The following RPRD1B variants were observed in gnomAD, a reference collection of about 807,000 sequenced individuals.
RPRD1B encodes the protein regulation of nuclear pre-mRNA domain-containing protein 1B.
Under a neutral mutation model 41.5 loss-of-function variants are expected in RPRD1B, and 11 were observed. The ratio of observed to expected loss-of-function variants is 0.27; its 90% CI spans 0.17 to 0.44. RPRD1B has a LOEUF of 0.44. RPRD1B is among the 20% of genes least tolerant of loss of function. The pLI, the probability that RPRD1B is intolerant of heterozygous loss-of-function variation, is 1.00. For missense variants in RPRD1B, 248 were observed against 389.9 expected, an observed-to-expected ratio of 0.64 and a Z score of 3.06; for synonymous variants, 158 against 155.6, an observed-to-expected ratio of 1.02 and a Z score of -0.12.
chr20:38,053,387 C>G (rs2074208195), intron 3 of RPRD1B, among the ~76,000 whole-genome samples: 1 of 152,186 alleles, frequency 6.6e-6, no homozygotes, highest in East Asian at 1.9e-4. Context: ...TAGCATTTTC[C>G]AAGCTCTGTG....
chr20:38,077,797 A>G (rs1000458519), intron 6 of RPRD1B, among the ~76,000 whole-genome samples: 2 of 152,110 alleles, frequency 1.3e-5, no homozygotes, highest in African/African-American at 4.8e-5. Flanking sequence ...TGGCAGCCCT[A>G]TGATGTGTTC....
At position 38,090,198 on chromosome 20, in the gene RPRD1B, C is replaced by G. The variant is rs1298115738; in HGVS notation, c.*323C>G. The G allele has an allele frequency of 9.8e-7, 1 of 1,022,936 alleles. No individual in the cohort carries two copies. 63.4% of individuals were successfully genotyped at this position (1,022,936 alleles called of 1,614,324 possible). ...TAAGAAGTTATGAAAATCATGTGTA[C>G]TTCTGGAAGCTTTCGAAAGAATCTT... On this transcript the variant is annotated 3_prime_UTR_variant, in exon 7 of 7. Transcript: ENST00000373433.
chr20:38,055,460 T>G (rs547901153), intron 3 of RPRD1B, among the ~76,000 whole-genome samples: 54 of 152,274 alleles, frequency 3.5e-4, no homozygotes, highest in Non-Finnish European at 7.1e-4. Flanking sequence ...GTTTTTTTTT[T>G]TTGTTAGCGT....
chr20:38,063,981 AAAAT>A (rs1962322378), intron 5 of RPRD1B, among the ~76,000 whole-genome samples: 1 of 152,242 alleles, frequency 6.6e-6, no homozygotes, highest in South Asian at 2.1e-4. Context: ...TTTAATCTTA[AAAAT>A]TAGTATTTGC....
intron 6 of RPRD1B, among the ~76,000 whole-genome samples, chr20:38,076,145 G>T (rs1174201831): frequency 6.6e-6 from 1 of 152,172 alleles, no homozygotes; most frequent in African/African-American, 2.4e-5. Context: ...GTTCTGTGGG[G>T]CATAGACTCA....
intron 6 of RPRD1B, among the ~76,000 whole-genome samples, chr20:38,075,603 A>G (rs572633374): frequency 6.6e-6 from 1 of 152,350 alleles, no homozygotes; most frequent in African/African-American, 2.4e-5. Context: ...TCCCACTTAA[A>G]ATTGGGATTC....
At chr20:38,089,684 A>T (rs760006953) in intron 6 of RPRD1B, 42 bp from the exon 7 acceptor site, 8 of 1,557,246 alleles carry the variant, frequency 5.1e-6, no homozygotes, top group South Asian at 4.5e-5. Context: ...TGCCCTCGGC[A>T]CGCACAGACT....
intron 6 of RPRD1B, among the ~76,000 whole-genome samples, chr20:38,082,247 A>G (rs151229599): frequency 2.0e-5 from 3 of 152,286 alleles, no homozygotes; most frequent in Non-Finnish European, 4.4e-5. Context: ...ACTCGTTAAT[A>G]GGTCTGTCCA....
In RPRD1B at chr20:38,091,438, A is replaced by G. The variant is rs571243404; in HGVS notation, c.*1563A>G. The G allele has an allele frequency of 2.0e-6, 2 of 985,448 alleles. No individual in the cohort carries two copies. The highest frequency in any genetic ancestry group is 3.5e-5 in the African/African-American group (2 of 57,362). 61.0% of individuals were successfully genotyped at this position (985,448 alleles called of 1,614,324 possible). A position where few individuals can be genotyped will look rare whatever the true frequency, so the allele number is the denominator to read the frequency against. ...GCAGATACTCAGTTTAACTCTGTGTAGAACCTAGTAGTGTTTGAGCTGTTA... is the reference window on the plus strand; with the variant it reads ...GCAGATACTCAGTTTAACTCTGTGTGGAACCTAGTAGTGTTTGAGCTGTTA... On this transcript the variant is annotated 3_prime_UTR_variant, in exon 7 of 7. Coordinates refer to ENST00000373433, the MANE Select transcript of RPRD1B (RefSeq NM_021215.4).
intron 6 of RPRD1B, among the ~76,000 whole-genome samples, chr20:38,074,564 C>G (rs1352957863): frequency 6.6e-6 from 1 of 152,212 alleles, no homozygotes; most frequent in African/African-American, 2.4e-5. Context: ...TGTAGCCCAA[C>G]TTCTGTGGGC....
chr20:38,054,712 G>A (rs1332338166), intron 3 of RPRD1B, among the ~76,000 whole-genome samples: 2 of 152,170 alleles, frequency 1.3e-5, no homozygotes, highest in Non-Finnish European at 2.9e-5. Flanking sequence ...GTTTGAAAAC[G>A]GAAGGATTTC....
chr20:38,057,794 G>A (rs1186997162), intron 4 of RPRD1B, 150 bp downstream of exon 4: 1 of 565,412 alleles, frequency 1.8e-6, no homozygotes, highest in Non-Finnish European at 3.2e-6. Context: ...GCCCAAAGGA[G>A]CTTGCCGGAT....
rs1351432268 is a variant in RPRD1B at position 38,033,917 on chromosome 20, C to T, written c.-31C>T. ...TTCCCGCCGCACTGGGCGGCCCAGG[C>T]CGCTCCCTGCCGGGCCTCACTGCCG... On this transcript the variant is annotated 5_prime_UTR_variant, in exon 1 of 7. Transcript: ENST00000373433. 4 of 1,586,516 alleles carry T rather than the reference C, an allele frequency of 2.5e-6. No individual in the cohort carries two copies. The South Asian group carries it at 4.6e-5, about 18-fold the overall frequency.
rs2074603056 is a variant in RPRD1B at position 38,090,403 on chromosome 20, ATC to A, written c.*532_*533del. On this transcript the variant is annotated 3_prime_UTR_variant, in exon 7 of 7. Coordinates refer to ENST00000373433, the MANE Select transcript of RPRD1B (RefSeq NM_021215.4). ...AGCGTTGCCATAAAGAGTTTGCCAA[ATC>A]TCTGATCCTCCCTTTCCATTGCTTC... The A allele has an allele frequency of 1.0e-6, 1 of 985,980 alleles. No homozygotes were observed. The highest frequency in any genetic ancestry group is 4.7e-5 in the South Asian group (1 of 21,304). 61.1% of individuals were successfully genotyped at this position (985,980 alleles called of 1,614,324 possible).
intron 5 of RPRD1B, among the ~76,000 whole-genome samples, chr20:38,065,621 A>G (rs1353121730): frequency 6.6e-6 from 1 of 152,056 alleles, no homozygotes. Flanking sequence ...TGTTATTTTT[A>G]TTGGTTTGTG....
At position 38,059,474 on chromosome 20, in the gene RPRD1B, T is replaced by C; in HGVS notation, c.609T>C (p.Ser203=). The C allele has an allele frequency of 6.2e-7, 1 of 1,614,136 alleles. No individual in the cohort carries two copies. Among genetic ancestry groups the C allele is most frequent in the Non-Finnish European group, 8.5e-7 (1 of 1,179,994 alleles). ...GDATVRQKIA[S]LPQEVQDVSL... The stretch of plus-strand genomic sequence containing the variant: ...CTACTGTCCGACAGAAAATTGCTTC[T>C]CTGCCCCAGGAAGTGCAAGATGTTT... Residue 203 remains serine (S), a synonymous_variant, in exon 5 of 7, where the codon TCT becomes TCC. Transcript: ENST00000373433.
In RPRD1B at chr20:38,089,880, G is replaced by T; in HGVS notation, c.*5G>T. 6.2e-7 allele frequency: 1 copy of T among 1,608,934 alleles called. No homozygotes were observed. Among genetic ancestry groups the T allele is most frequent in the Non-Finnish European group, 8.5e-7 (1 of 1,177,914 alleles). On this transcript the variant is annotated 3_prime_UTR_variant, in exon 7 of 7. Transcript: ENST00000373433. Reference sequence around the variant, plus strand: ...GACCTGTTTTCAACTGACTAGGATGGGTGTCATGTCCCAGATTTCTGTTTG... The same window carrying T: ...GACCTGTTTTCAACTGACTAGGATGTGTGTCATGTCCCAGATTTCTGTTTG...
At chr20:38,035,876 T>C (rs1345523878) in intron 1 of RPRD1B, among the ~76,000 whole-genome samples, 1 of 151,922 alleles carries the variant, frequency 6.6e-6, no homozygotes, top group Non-Finnish European at 1.5e-5. Flanking sequence ...GCCATTCTCC[T>C]GCCTCAGCCT....
intron 5 of RPRD1B, among the ~76,000 whole-genome samples, chr20:38,063,974 A>G (rs2074327276): frequency 6.6e-6 from 1 of 152,196 alleles, no homozygotes; most frequent in Non-Finnish European, 1.5e-5. Flanking sequence ...TTTTCTTTTT[A>G]ATCTTAAAAA....
Sources: allele counts gnomAD v4.1 joint callset (sites outside exome capture counted in the v4.1 genomes callset), GRCh38; gene constraint gnomAD v4.1.1; transcripts MANE v1.5; gene names NCBI Gene and HGNC (gene_info 2026-07-23, HGNC 2026-07-21).